TOMM34: variants seen among roughly 807,000 people sequenced by gnomAD.
TOMM34 encodes mitochondrial import receptor subunit TOM34.
In TOMM34, 24 loss-of-function variants were observed where a neutral mutation model predicts 37.4. That is an observed-to-expected ratio of 0.64 (90% CI 0.46 to 0.90). The LOEUF is 0.90. TOMM34 is among the 40% of genes least tolerant of loss of function. TOMM34 has a pLI of 0.00. For missense variants in TOMM34, 304 were observed against 375.6 expected, an observed-to-expected ratio of 0.81 and a Z score of 1.58; for synonymous variants, 154 against 148.9, an observed-to-expected ratio of 1.03 and a Z score of -0.25.
Position 44,942,875 on chromosome 20 carries a change from C to G in TOMM34, c.*234G>C, listed in dbSNP as rs1311776706. The G allele has an allele frequency of 1.5e-5, 9 of 581,890 alleles. No individual in the cohort carries two copies. Among genetic ancestry groups the G allele is most frequent in the Non-Finnish European group, 2.5e-5 (8 of 325,730 alleles). 36.0% of individuals were successfully genotyped at this position (581,890 alleles called of 1,614,324 possible). Reference sequence around the variant, plus strand: ...GAATAGGGACAGAGCTTCAGCTTCACGCTTAGCTCTAGTGGGGACCTTTCT... The same window carrying G: ...GAATAGGGACAGAGCTTCAGCTTCAGGCTTAGCTCTAGTGGGGACCTTTCT... On this transcript the variant is annotated 3_prime_UTR_variant, in exon 7 of 7. Transcript: ENST00000372813.
In TOMM34 at chr20:44,942,868, A is replaced by T; in HGVS notation, c.*241T>A. 3.5e-6 allele frequency: 2 copies of T among 573,472 alleles called. No individual in the cohort carries two copies. Among genetic ancestry groups the T allele is most frequent in the Non-Finnish European group, 6.2e-6 (2 of 321,016 alleles). The allele number at this position is 573,472 out of a possible 1,614,324, so 35.5% of individuals were successfully genotyped here. On this transcript the variant is annotated 3_prime_UTR_variant, in exon 7 of 7. Coordinates refer to ENST00000372813, the MANE Select transcript of TOMM34 (RefSeq NM_006809.5). ...GCTGGGGGAATAGGGACAGAGCTTC[A>T]GCTTCACGCTTAGCTCTAGTGGGGA...
chr20:44,960,092 G>A, intron 1 of TOMM34, 115 bp downstream of exon 1: 1 of 1,417,788 alleles, frequency 7.1e-7, no homozygotes, highest in South Asian at 1.5e-5. Flanking sequence ...GAGTCGGAAG[G>A]GGCTGGAAGG....
At chr20:44,957,242 CAG>C in intron 1 of TOMM34, among the ~76,000 whole-genome samples, 1 of 151,996 alleles carries the variant, frequency 6.6e-6, no homozygotes, top group Non-Finnish European at 1.5e-5. Context: ...GCCTGGAGTG[CAG>C]TGGAGCGATC....
intron 3 of TOMM34, chr20:44,952,574 A>T (rs2067035483): frequency 1.4e-6 from 1 of 717,272 alleles, no homozygotes; most frequent in African/African-American, 1.7e-5. Flanking sequence ...CTCTACCCAG[A>T]ACAACCATTT....
chr20:44,942,605 T>C lies in TOMM34; in HGVS notation c.*504A>G. The stretch of plus-strand genomic sequence containing the variant: ...GACAGGACAGGGCAGGGACAGCAGC[T>C]GTACACCTGGAGAGACTGCAGCCCT... On this transcript the variant is annotated 3_prime_UTR_variant, in exon 7 of 7. Transcript: ENST00000372813. The C allele has an allele frequency of 5.9e-6, 1 of 169,872 alleles. No homozygotes were observed. The highest frequency in any genetic ancestry group is 1.3e-5 in the Non-Finnish European group (1 of 78,516). 10.5% of individuals were successfully genotyped at this position (169,872 alleles called of 1,614,324 possible).
At chr20:44,947,672 G>T (rs1214007045) in intron 5 of TOMM34, among the ~76,000 whole-genome samples, 2 of 152,060 alleles carry the variant, frequency 1.3e-5, no homozygotes, top group Non-Finnish European at 2.9e-5. Flanking sequence ...CTGATTTTTT[G>T]TATTTTTAGT....
chr20:44,957,974 A>G (rs779468575), intron 1 of TOMM34, among the ~76,000 whole-genome samples: 7 of 152,124 alleles, frequency 4.6e-5, no homozygotes, highest in Admixed American at 6.5e-5. Context: ...CTAAAACTCC[A>G]GCCATCCCCA....
At chr20:44,954,048 T>C (rs2067049267) in intron 3 of TOMM34, among the ~76,000 whole-genome samples, 1 of 152,224 alleles carries the variant, frequency 6.6e-6, no homozygotes, top group Admixed American at 6.5e-5. Flanking sequence ...TCCTGTGATC[T>C]GTCACACTTG....
chr20:44,948,634 C>CT (rs1298608330), intron 5 of TOMM34, 96 bp downstream of exon 5: 4 of 1,468,430 alleles, frequency 2.7e-6, no homozygotes, highest in Non-Finnish European at 3.7e-6. Flanking sequence ...ACATACTTGA[C>CT]TAAATGCTAG....
rs2066946119 is a variant in TOMM34 at position 44,942,768 on chromosome 20, G to C, written c.*341C>G. On this transcript the variant is annotated 3_prime_UTR_variant, in exon 7 of 7. Transcript: ENST00000372813. ...GGGGAAGCTACAAGGGCAGCACTCA[G>C]TCTGCAGCCCACTTGGGCAGGACAA... 1 of 334,026 alleles carries C rather than the reference G, an allele frequency of 3.0e-6. No homozygotes were observed. Among genetic ancestry groups the C allele is most frequent in the Non-Finnish European group, 5.6e-6 (1 of 179,602 alleles). 20.7% of individuals were successfully genotyped at this position (334,026 alleles called of 1,614,324 possible).
intron 1 of TOMM34, chr20:44,959,091 T>C (rs2067102882): frequency 6.6e-6 from 1 of 152,166 alleles, no homozygotes; most frequent in African/African-American, 2.4e-5. Flanking sequence ...TTTAACTCTC[T>C]TGGACTCCTC....
intron 5 of TOMM34, among the ~76,000 whole-genome samples, chr20:44,944,010 AT>A (rs1375503585): frequency 1.3e-5 from 2 of 152,226 alleles, no homozygotes; most frequent in African/African-American, 4.8e-5. Context: ...CTCTAATGAT[AT>A]AATGCTGACA....
At chr20:44,952,115 T>TCC (rs2067032019) in intron 3 of TOMM34, 113 bp from the exon 4 acceptor site, 1 of 1,303,916 alleles carries the variant, frequency 7.7e-7, no homozygotes, top group African/African-American at 1.5e-5. Flanking sequence ...GCTGCCACCC[T>TCC]CCCCCTGGTC....
At chr20:44,958,104 A>G (rs1339167849) in intron 1 of TOMM34, among the ~76,000 whole-genome samples, 1 of 145,842 alleles carries the variant, frequency 6.9e-6, no homozygotes. Context: ...ATATGTATAT[A>G]TGTATACATG....
At chr20:44,960,120 G>A in intron 1 of TOMM34, 87 bp downstream of exon 1, 2 of 1,475,798 alleles carry the variant, frequency 1.4e-6, no homozygotes, top group Non-Finnish European at 1.8e-6. Flanking sequence ...GGCCGGGCAG[G>A]ACTGCTGGCC....
At chr20:44,943,672 G>C in intron 5 of TOMM34, 93 bp from the exon 6 acceptor site, 1 of 1,560,674 alleles carries the variant, frequency 6.4e-7, no homozygotes. Flanking sequence ...CCAATTTGCT[G>C]AACACCTACT....
intron 1 of TOMM34, 149 bp from the exon 2 acceptor site, chr20:44,956,634 G>T: frequency 1.5e-6 from 1 of 674,932 alleles, no homozygotes; most frequent in Non-Finnish European, 2.5e-6. Flanking sequence ...CTGCTGGGCT[G>T]GCGTGTTTGT....
chr20:44,959,954 G>C lies in TOMM34; in HGVS notation c.127+253C>G, dbSNP rs1030222302. The C allele has an allele frequency of 2.1e-5, 21 of 985,302 alleles. No homozygotes were observed. The African/African-American group carries it at 3.5e-4, about 16-fold the overall frequency. 61.0% of individuals were successfully genotyped at this position (985,302 alleles called of 1,614,324 possible). The stretch of plus-strand genomic sequence containing the variant: ...TACTAACTGAAAAATGAATTGCTGC[G>C]GGGGAGGAGGGTTTAGCTTTCTTCT... On this transcript the variant is annotated intron_variant, in intron 1 of 6. Coordinates refer to ENST00000372813, the MANE Select transcript of TOMM34 (RefSeq NM_006809.5).
rs1035330298 is a variant in TOMM34, at chr20:44,942,927, C to T, written c.*182G>A. 1 of 621,348 alleles carries T rather than the reference C, an allele frequency of 1.6e-6. No homozygotes were observed. Among genetic ancestry groups the T allele is most frequent in the Non-Finnish European group, 2.9e-6 (1 of 347,314 alleles). The allele number at this position is 621,348 out of a possible 1,614,324, so 38.5% of individuals were successfully genotyped here. A position where few individuals can be genotyped will look rare whatever the true frequency, so the allele number is the denominator to read the frequency against. ...GTGCAACAACCATGTCTGTGTTTGA[C>T]TACACTGAGTTTAATTTGAACAAGC... On this transcript the variant is annotated 3_prime_UTR_variant, in exon 7 of 7. Coordinates refer to ENST00000372813, the MANE Select transcript of TOMM34 (RefSeq NM_006809.5).
Sources: gnomAD v4.1 joint callset for allele counts (sites outside exome capture counted in the v4.1 genomes callset) on GRCh38, gnomAD v4.1.1 for gene constraint, MANE v1.5 for transcripts, NCBI Gene and HGNC (gene_info 2026-07-23, HGNC 2026-07-21) for gene names.